Variants in KLHL4 observed in about 807,000 individuals in gnomAD.
KLHL4 encodes the protein kelch-like protein 4.
In KLHL4, 17 loss-of-function variants were observed where a neutral mutation model predicts 45.8. That is an observed-to-expected ratio of 0.37 (90% CI 0.25 to 0.56). The LOEUF (loss-of-function observed/expected upper bound fraction) is 0.56. Ranked by LOEUF, KLHL4 falls within the 20% of genes least tolerant of loss-of-function variation. KLHL4 has a pLI of 0.79. For synonymous variants in KLHL4, 224 were observed against 189.9 expected, an observed-to-expected ratio of 1.18 and a Z score of -1.47; for missense variants, 544 against 544.9, an observed-to-expected ratio of 1.00 and a Z score of 0.02.
chrX:87,589,754 G>T (rs111781718), intron 1 of KLHL4, among the ~76,000 whole-genome samples: 21,575 of 110,681 alleles, frequency 0.19, 1,585 homozygotes, highest in East Asian at 0.25. Context: ...TGTTTGCTGG[G>T]CATGGTGGCT....
intron 1 of KLHL4, among the ~76,000 whole-genome samples, chrX:87,544,575 A>C (rs1429547939): frequency 8.9e-6 from 1 of 111,828 alleles, no homozygotes; most frequent in Non-Finnish European, 1.9e-5. Context: ...TATTTGTGTC[A>C]GTCCACACCA....
chrX:87,538,645 T>C (rs1278881298), intron 1 of KLHL4, among the ~76,000 whole-genome samples: 1 of 111,546 alleles, frequency 9.0e-6, no homozygotes, highest in African/African-American at 3.2e-5. Context: ...CTTTATTTTG[T>C]GGTAGCTTCC....
intron 1 of KLHL4, among the ~76,000 whole-genome samples, chrX:87,572,973 C>T (rs893576578): frequency 1.8e-5 from 2 of 111,332 alleles, no homozygotes; most frequent in African/African-American, 3.2e-5. Flanking sequence ...CTCATAAAAG[C>T]GACAAATATT....
chrX:87,518,314 A>G lies in KLHL4; in HGVS notation c.421A>G (p.Arg141Gly), dbSNP rs1378751855. Residue 141 changes from arginine (R) to glycine (G), a missense_variant and splice_region_variant, in exon 1 of 11, where the codon AGA (arginine) becomes GGA (glycine). Physicochemically the swap from Arg to Gly is moderately radical, Grantham distance 125. Transcript: ENST00000373119. ...ADDNIEDSTA[R>G]LDTQHSEDMN... ...TGACAATATAGAAGATTCTACAGCAAGGTAAGAGTTTTTGGTCGCATAACT... is the reference window on the plus strand; with the variant it reads ...TGACAATATAGAAGATTCTACAGCAGGGTAAGAGTTTTTGGTCGCATAACT... 8.4e-7 allele frequency: 1 copy of G among 1,197,155 alleles called. No individual in the cohort carries two copies. The highest frequency in any genetic ancestry group is 1.1e-6 in the Non-Finnish European group (1 of 888,422).
At chrX:87,611,331 G>A (rs1922363680) in intron 1 of KLHL4, among the ~76,000 whole-genome samples, 1 of 110,890 alleles carries the variant, frequency 9.0e-6, no homozygotes, top group African/African-American at 3.3e-5. Flanking sequence ...TTTAAGATTG[G>A]AGGTGGTAGA....
At chrX:87,523,654 A>G (rs1308553618) in intron 1 of KLHL4, among the ~76,000 whole-genome samples, 1 of 111,878 alleles carries the variant, frequency 8.9e-6, no homozygotes, top group Non-Finnish European at 1.9e-5. Flanking sequence ...CCATACTGAT[A>G]TAAATAGATG....
At chrX:87,658,393 G>T (rs1459678521) in intron 9 of KLHL4, among the ~76,000 whole-genome samples, 4 of 111,502 alleles carry the variant, frequency 3.6e-5, no homozygotes, top group Non-Finnish European at 7.5e-5. Flanking sequence ...CTATAGTTAG[G>T]ATATTTATTG....
chrX:87,521,060 C>G (rs760237495), intron 1 of KLHL4, among the ~76,000 whole-genome samples: 38 of 111,697 alleles, frequency 3.4e-4, no homozygotes, highest in Non-Finnish European at 6.6e-4. Flanking sequence ...TGCCCCAGTA[C>G]AAAATTGGAC....
intron 1 of KLHL4, among the ~76,000 whole-genome samples, chrX:87,587,866 C>CT (rs765404442): frequency 1.3e-3 from 139 of 111,159 alleles, no homozygotes; most frequent in Non-Finnish European, 2.3e-3. Context: ...TCAAATTATC[C>CT]TTTTTTGTGC....
intron 8 of KLHL4, 33 bp downstream of exon 8, chrX:87,633,944 C>A (rs374684679): frequency 9.6e-6 from 11 of 1,143,578 alleles, no homozygotes; most frequent in Non-Finnish European, 1.2e-5. Flanking sequence ...GTTCATTGCT[C>A]CCAGGTCATA....
chrX:87,541,396 A>C (rs1339421372), intron 1 of KLHL4, among the ~76,000 whole-genome samples: 3 of 105,050 alleles, frequency 2.9e-5, no homozygotes, highest in African/African-American at 1.0e-4. Context: ...GAGGCAGGAG[A>C]ATCACTTGAA....
At position 87,668,631 on chromosome X, in the gene KLHL4, C is replaced by T. The variant is rs1924458558; in HGVS notation, c.*2097C>T. ...ATTGGGCCATGAGGTCTGTGCCCTCCTGAATGGATTAATCCATTCATGGAT... is the reference window on the plus strand; with the variant it reads ...ATTGGGCCATGAGGTCTGTGCCCTCTTGAATGGATTAATCCATTCATGGAT... On this transcript the variant is annotated 3_prime_UTR_variant, in exon 11 of 11. Coordinates refer to ENST00000373119, the MANE Select transcript of KLHL4 (RefSeq NM_019117.5). 1.1e-5 allele frequency: 2 copies of T among 177,635 alleles called. No homozygotes were observed. Among genetic ancestry groups the T allele is most frequent in the Admixed American group, 9.6e-5 (1 of 10,419 alleles). 14.6% of individuals were successfully genotyped at this position (177,635 alleles called of 1,213,427 possible). A position where few individuals can be genotyped will look rare whatever the true frequency, so the allele number is the denominator to read the frequency against.
At chrX:87,568,330 A>C (rs1932258291) in intron 1 of KLHL4, among the ~76,000 whole-genome samples, 2 of 108,083 alleles carry the variant, frequency 1.9e-5, no homozygotes, top group Admixed American at 1.0e-4. Flanking sequence ...AGCAATCTCC[A>C]TATTCAATGC....
intron 1 of KLHL4, among the ~76,000 whole-genome samples, chrX:87,572,794 T>TA (rs59585746): frequency 0.21 from 16,333 of 77,713 alleles, 1,602 homozygotes; most frequent in East Asian, 0.51. Context: ...TAAAGTATAA[T>TA]AAAAAAAAAA....
chrX:87,638,759 G>A (rs1025733179), intron 9 of KLHL4, among the ~76,000 whole-genome samples: 39 of 111,168 alleles, frequency 3.5e-4, no homozygotes, highest in Admixed American at 6.7e-4. Flanking sequence ...ACATCTCACA[G>A]GACATATAAA....
chrX:87,547,096 A>G (rs756181793), intron 1 of KLHL4, among the ~76,000 whole-genome samples: 8 of 111,658 alleles, frequency 7.2e-5, no homozygotes, highest in African/African-American at 2.6e-4. Flanking sequence ...GGAAGGCACA[A>G]TTGGTTTCAG....
At chrX:87,660,320 G>A (rs771761892) in intron 9 of KLHL4, among the ~76,000 whole-genome samples, 15 of 111,253 alleles carry the variant, frequency 1.3e-4, no homozygotes, top group Non-Finnish European at 1.9e-5. Flanking sequence ...TGGTACCTAG[G>A]CATTGAATTC....
rs1316389750 is a variant in KLHL4, at chrX:87,666,612, A to G, written c.*78A>G. On this transcript the variant is annotated 3_prime_UTR_variant, in exon 11 of 11. Coordinates refer to ENST00000373119, the MANE Select transcript of KLHL4 (RefSeq NM_019117.5). Reference sequence around the variant, plus strand: ...GTAGGACAAAGGGAGAAAGAAATACATGTTCTTTTTCCTGCAATTAATAAT... The same window carrying G: ...GTAGGACAAAGGGAGAAAGAAATACGTGTTCTTTTTCCTGCAATTAATAAT... The G allele has an allele frequency of 6.8e-6, 7 of 1,030,814 alleles. No individual in the cohort carries two copies. In the Admixed American group the frequency reaches 1.4e-4, roughly 20 times the overall value. 85.0% of individuals were successfully genotyped at this position (1,030,814 alleles called of 1,213,427 possible). A position where few individuals can be genotyped will look rare whatever the true frequency, so the allele number is the denominator to read the frequency against.
intron 1 of KLHL4, among the ~76,000 whole-genome samples, chrX:87,568,391 CTTTTTTT>C (rs58586775): frequency 1.7e-5 from 1 of 57,506 alleles, no homozygotes; most frequent in Non-Finnish European, 2.9e-5. Flanking sequence ...TTCTTTTTTT[CTTTTTTT>C]TTTTTTTTTT....
Sources: allele counts gnomAD v4.1 joint callset (sites outside exome capture counted in the v4.1 genomes callset), GRCh38; gene constraint gnomAD v4.1.1; transcripts MANE v1.5; gene names NCBI Gene and HGNC (gene_info 2026-07-23, HGNC 2026-07-21).